Variants in SPAG16 observed in about 807,000 individuals in gnomAD.
SPAG16 encodes sperm-associated antigen 16 protein.
SPAG16 carries 86 observed loss-of-function variants against 80.4 expected under a neutral mutation model. The ratio of observed to expected loss-of-function variants is 1.07; its 90% CI spans 0.90 to 1.28. SPAG16 has a LOEUF of 1.28. SPAG16 is among the 50% of genes most tolerant of loss of function. The pLI, the probability that SPAG16 is intolerant of heterozygous loss-of-function variation, is 0.00. For missense variants in SPAG16, 870 were observed against 765.3 expected (o/e 1.14, Z -1.61); for synonymous variants, 294 against 265.9 (o/e 1.11, Z -1.03).
chr2:213,337,529 A>G (rs965969237), intron 5 of SPAG16, among the ~76,000 whole-genome samples: 2 of 152,162 alleles, frequency 1.3e-5, no homozygotes, highest in African/African-American at 4.8e-5. Flanking sequence ...AGGAATATAA[A>G]TTACCTGATC....
At chr2:213,910,146 G>C (rs750228843) in intron 11 of SPAG16, among the ~76,000 whole-genome samples, 1 of 152,062 alleles carries the variant, frequency 6.6e-6, no homozygotes, top group Non-Finnish European at 1.5e-5. Flanking sequence ...ATATTCTATG[G>C]TAACAGAACA....
intron 10 of SPAG16, among the ~76,000 whole-genome samples, chr2:213,702,616 A>G (rs1477856241): frequency 6.6e-6 from 1 of 152,146 alleles, no homozygotes; most frequent in African/African-American, 2.4e-5. Flanking sequence ...AGTCTTTTTA[A>G]TTTTTCAAAA....
chr2:214,172,583 C>A (rs2056912551), intron 15 of SPAG16, among the ~76,000 whole-genome samples: 1 of 152,062 alleles, frequency 6.6e-6, no homozygotes, highest in Non-Finnish European at 1.5e-5. Flanking sequence ...GTCCTTATAG[C>A]AGCATGATTT....
chr2:213,783,352 G>T (rs2125588315), intron 10 of SPAG16, among the ~76,000 whole-genome samples: 1 of 149,262 alleles, frequency 6.7e-6, no homozygotes, highest in East Asian at 2.0e-4. Flanking sequence ...GACTTAGGAA[G>T]AATCAGAGTG....
chr2:213,624,413 A>G (rs1353930561), intron 10 of SPAG16, among the ~76,000 whole-genome samples: 1 of 152,150 alleles, frequency 6.6e-6, no homozygotes, highest in Non-Finnish European at 1.5e-5. Context: ...CTTTCTTTTA[A>G]CAATTTAAGA....
intron 10 of SPAG16, among the ~76,000 whole-genome samples, chr2:213,718,028 A>C (rs979345055): frequency 2.0e-5 from 3 of 152,082 alleles, no homozygotes. Context: ...GCTTCTGCAC[A>C]GCAAAAGAAA....
rs141054172 is a variant in SPAG16 at position 214,080,948 on chromosome 2, C to T, written c.1528-27248C>T. On this transcript the variant is annotated intron_variant, in intron 13 of 15. Transcript: ENST00000331683. ...GAATAGGTGTGGGATGTAAGTTTTT[C>T]AAGTTCTCAGGTGATGTTGATATGC... Among the ~76,000 whole-genome samples the T allele has an allele frequency of 1.1e-3, 174 of 152,082 alleles. 1 individual carries two copies. The highest frequency in any genetic ancestry group is 4.1e-3 in the African/African-American group (170 of 41,516).
In SPAG16 at chr2:213,342,723, T is replaced by G. The variant is rs561204145; in HGVS notation, c.644+2453T>G. 1.2e-4 allele frequency among the ~76,000 whole-genome samples: 18 copies of G among 152,130 alleles called. No homozygotes were observed. In the South Asian group the frequency reaches 3.7e-3, roughly 32 times the overall value. On this transcript the variant is annotated intron_variant, in intron 6 of 15. Transcript: ENST00000331683. Reference sequence around the variant, plus strand: ...AATAGTATAGAATTAGCTCTCCAACTGGTACTGGACTAGCTCCCCAAATGT... The same window carrying G: ...AATAGTATAGAATTAGCTCTCCAACGGGTACTGGACTAGCTCCCCAAATGT...
At chr2:213,888,002 GT>G (rs1362744784) in intron 11 of SPAG16, among the ~76,000 whole-genome samples, 1 of 151,678 alleles carries the variant, frequency 6.6e-6, no homozygotes, top group Non-Finnish European at 1.5e-5. Context: ...AAAATTCAAT[GT>G]TTTTGAGCAT....
chr2:213,676,005 T>C (rs1370834792), intron 10 of SPAG16, among the ~76,000 whole-genome samples: 1 of 152,226 alleles, frequency 6.6e-6, no homozygotes, highest in Non-Finnish European at 1.5e-5. Context: ...ATATTGATTC[T>C]TCCTACCCAT....
intron 5 of SPAG16, among the ~76,000 whole-genome samples, chr2:213,338,776 A>G (rs994325114): frequency 3.3e-5 from 5 of 152,110 alleles, no homozygotes; most frequent in African/African-American, 2.4e-5. Flanking sequence ...AAAACCAAAC[A>G]CTGCATGTTC....
intron 10 of SPAG16, among the ~76,000 whole-genome samples, chr2:213,718,163 A>AAAG (rs1553615699): frequency 1.6e-4 from 24 of 151,016 alleles, no homozygotes; most frequent in African/African-American, 5.6e-4. Flanking sequence ...AAAAAAAAAA[A>AAAG]AAAAAAGAAA....
chr2:214,334,582 AG>A, intron 15 of SPAG16, among the ~76,000 whole-genome samples: 1 of 152,258 alleles, frequency 6.6e-6, no homozygotes, highest in East Asian at 1.9e-4. Flanking sequence ...AAAATATCAT[AG>A]GTTGTCAAGG....
chr2:214,147,588 C>A (rs1014801186), intron 14 of SPAG16, among the ~76,000 whole-genome samples: 1 of 152,142 alleles, frequency 6.6e-6, no homozygotes, highest in Non-Finnish European at 1.5e-5. Context: ...TAATTTCTAA[C>A]ATTAATATTC....
At chr2:213,677,015 G>A (rs1033176526) in intron 10 of SPAG16, among the ~76,000 whole-genome samples, 3 of 151,670 alleles carry the variant, frequency 2.0e-5, no homozygotes, top group African/African-American at 7.3e-5. Flanking sequence ...TCTGGTCCTG[G>A]ACTCTTTTTG....
At chr2:213,415,506 G>A (rs1191221066) in intron 9 of SPAG16, among the ~76,000 whole-genome samples, 1 of 152,246 alleles carries the variant, frequency 6.6e-6, no homozygotes, top group Non-Finnish European at 1.5e-5. Context: ...ATCTGGGTGA[G>A]AGATGGGCAC....
At chr2:213,376,062 A>G (rs1034212668) in intron 9 of SPAG16, among the ~76,000 whole-genome samples, 3 of 151,188 alleles carry the variant, frequency 2.0e-5, no homozygotes, top group South Asian at 2.1e-4. Context: ...AAAACTAATC[A>G]CTTTTTTGTT....
At chr2:213,548,042 T>C (rs2076668910) in intron 10 of SPAG16, among the ~76,000 whole-genome samples, 1 of 152,186 alleles carries the variant, frequency 6.6e-6, no homozygotes, top group Non-Finnish European at 1.5e-5. Flanking sequence ...TTAAATTGTT[T>C]TGGACATAAA....
intron 10 of SPAG16, among the ~76,000 whole-genome samples, chr2:213,607,507 T>C (rs796399820): frequency 1.3e-5 from 2 of 152,358 alleles, no homozygotes; most frequent in African/African-American, 4.8e-5. Context: ...TTTTAAAATT[T>C]TCTCATGCAC....
Sources: gnomAD v4.1 joint callset for allele counts (sites outside exome capture counted in the v4.1 genomes callset) on GRCh38, gnomAD v4.1.1 for gene constraint, MANE v1.5 for transcripts, NCBI Gene and HGNC (gene_info 2026-07-23, HGNC 2026-07-21) for gene names.